The following LRRC69 variants were observed in gnomAD, a reference collection of about 807,000 sequenced individuals.
The protein encoded by LRRC69 is leucine rich repeat containing 69.
A neutral mutation model predicts 37.8 loss-of-function variants in LRRC69; 42 were observed. The observed-to-expected ratio is 1.11, with a 90% CI of 0.87 to 1.44. The LOEUF is 1.44. LRRC69 is among the 40% of genes most tolerant of loss of function. The pLI is 0.00. For synonymous variants in LRRC69, 141 were observed against 143.1 expected (o/e 0.99, Z 0.11); for missense variants, 357 against 401.9 (o/e 0.89, Z 0.96).
intron 7 of LRRC69, among the ~76,000 whole-genome samples, chr8:91,201,793 A>G (rs1809715296): frequency 6.6e-6 from 1 of 152,200 alleles, no homozygotes. Context: ...AGTGAAGGAG[A>G]CAAACAAATA....
intron 5 of LRRC69, among the ~76,000 whole-genome samples, chr8:91,149,446 C>A (rs1273704317): frequency 6.6e-6 from 1 of 151,774 alleles, no homozygotes; most frequent in Non-Finnish European, 1.5e-5. Flanking sequence ...TGGTCTATAT[C>A]TCTGTTTTGG....
At chr8:91,128,367 G>A (rs1406845656) in intron 3 of LRRC69, among the ~76,000 whole-genome samples, 2 of 152,000 alleles carry the variant, frequency 1.3e-5, no homozygotes, top group African/African-American at 4.8e-5. Context: ...TCAAGGAATC[G>A]TAAATCTAAG....
chr8:91,140,149 G>A (rs951315986), intron 5 of LRRC69, among the ~76,000 whole-genome samples: 4 of 149,132 alleles, frequency 2.7e-5, no homozygotes, highest in Non-Finnish European at 4.4e-5. Flanking sequence ...CATTATCAAT[G>A]TATCAATAGC....
intron 5 of LRRC69, among the ~76,000 whole-genome samples, chr8:91,188,718 C>T (rs952106062): frequency 2.0e-5 from 3 of 152,178 alleles, no homozygotes; most frequent in Middle Eastern, 3.4e-3. Context: ...CTTCTTTTCT[C>T]TTCTTATTCT....
chr8:91,108,636 G>A (rs564087797), intron 1 of LRRC69, among the ~76,000 whole-genome samples: 3 of 152,114 alleles, frequency 2.0e-5, no homozygotes, highest in South Asian at 4.1e-4. Flanking sequence ...TGTCTAACCC[G>A]TGGCCCGCGG....
chr8:91,209,812 A>G (rs555365082), intron 7 of LRRC69, among the ~76,000 whole-genome samples: 1 of 152,220 alleles, frequency 6.6e-6, no homozygotes, highest in East Asian at 1.9e-4. Context: ...TAAGCCAAGA[A>G]GAGGAGATAT....
intron 6 of LRRC69, among the ~76,000 whole-genome samples, chr8:91,192,616 A>T (rs1342969537): frequency 6.6e-6 from 1 of 151,800 alleles, no homozygotes; most frequent in Non-Finnish European, 1.5e-5. Flanking sequence ...GCATTTTTTC[A>T]TGTGTTTTTT....
chr8:91,165,930 C>G (rs1809020641), intron 5 of LRRC69, among the ~76,000 whole-genome samples: 1 of 151,628 alleles, frequency 6.6e-6, no homozygotes, highest in Non-Finnish European at 1.5e-5. Context: ...CCAGGGAAAT[C>G]TAGTGAGCAA....
chr8:91,119,416 A>C (rs139292346), intron 1 of LRRC69, among the ~76,000 whole-genome samples: 1 of 151,996 alleles, frequency 6.6e-6, no homozygotes, highest in African/African-American at 2.4e-5. Context: ...CACTCACTTC[A>C]TCTTAGTTTT....
At chr8:91,112,224 C>T (rs1012575255) in intron 1 of LRRC69, among the ~76,000 whole-genome samples, 5 of 151,944 alleles carry the variant, frequency 3.3e-5, no homozygotes, top group Admixed American at 6.6e-5. Flanking sequence ...ACCTCAAAGC[C>T]GTGATCACTC....
At position 91,186,724 on chromosome 8, in the gene LRRC69, C is replaced by A. The variant is rs185619646; in HGVS notation, c.652-2798C>A. The stretch of plus-strand genomic sequence containing the variant: ...GAGATGAATTCAAGTACCATTGCAA[C>A]AACTCACATAAGACAAAGGCCTCCA... On this transcript the variant is annotated intron_variant, in intron 5 of 7. Transcript: ENST00000448384. Among the ~76,000 whole-genome samples, 38 of 152,170 alleles carry A rather than the reference C, an allele frequency of 2.5e-4. No individual in the cohort carries two copies. The East Asian group carries it at 6.9e-3, about 28-fold the overall frequency.
chr8:91,197,982 G>A (rs1809646733), intron 6 of LRRC69, among the ~76,000 whole-genome samples: 1 of 152,136 alleles, frequency 6.6e-6, no homozygotes, highest in African/African-American at 2.4e-5. Context: ...TCTCAGAAAA[G>A]TGACTTAAAT....
chr8:91,123,254 A>C (rs1011974634), intron 1 of LRRC69, among the ~76,000 whole-genome samples: 1 of 152,064 alleles, frequency 6.6e-6, no homozygotes, highest in African/African-American at 2.4e-5. Context: ...AGTTTGTGGT[A>C]ATTTTTTATA....
intron 5 of LRRC69, among the ~76,000 whole-genome samples, chr8:91,172,007 TATC>T (rs937577301): frequency 5.9e-5 from 9 of 152,134 alleles, no homozygotes; most frequent in African/African-American, 9.6e-5. Flanking sequence ...TTATTAGTAT[TATC>T]ATACATATTA....
chr8:91,159,393 G>A (rs957508463), intron 5 of LRRC69, among the ~76,000 whole-genome samples: 4 of 151,146 alleles, frequency 2.6e-5, no homozygotes, highest in Admixed American at 2.0e-4. Context: ...TGTGGCAGAT[G>A]TCACATAAGT....
At chr8:91,149,881 CTGTT>C (rs1335727856) in intron 5 of LRRC69, among the ~76,000 whole-genome samples, 1 of 151,954 alleles carries the variant, frequency 6.6e-6, no homozygotes, top group East Asian at 1.9e-4. Context: ...ATTTGGCTCT[CTGTT>C]TGTCTATTAT....
chr8:91,179,573 C>T lies in LRRC69; in HGVS notation c.652-9949C>T, dbSNP rs551463041. 1.2e-3 allele frequency among the ~76,000 whole-genome samples: 189 copies of T among 152,244 alleles called. 1 individual carries two copies. The highest frequency in any genetic ancestry group is 3.4e-3 in the African/African-American group (142 of 41,556). On this transcript the variant is annotated intron_variant, in intron 5 of 7. Transcript: ENST00000448384. Reference sequence around the variant, plus strand: ...ATAATGCTCAAGATATTTTAAGCAACTACCCACTTTATTTTTTCCTAGTCT... The same window carrying T: ...ATAATGCTCAAGATATTTTAAGCAATTACCCACTTTATTTTTTCCTAGTCT...
chr8:91,177,753 T>C (rs1190031747), intron 5 of LRRC69, among the ~76,000 whole-genome samples: 1 of 152,144 alleles, frequency 6.6e-6, no homozygotes, highest in Non-Finnish European at 1.5e-5. Context: ...GCAGTAGAAT[T>C]GTAGGGTTAA....
chr8:91,200,809 A>G lies in LRRC69; in HGVS notation c.933+17A>G, dbSNP rs527761249. 5 of 1,524,334 alleles carry G rather than the reference A, an allele frequency of 3.3e-6. No homozygotes were observed. The highest frequency in any genetic ancestry group is 1.4e-5 in the African/African-American group (1 of 71,636). 94.4% of individuals were successfully genotyped at this position (1,524,334 alleles called of 1,614,324 possible). A position where few individuals can be genotyped will look rare whatever the true frequency, so the allele number is the denominator to read the frequency against. ...CCACCAAAGGTAAATGATGCTTTTT[A>G]TGCGAATATGAGCATAATACTGATT... On this transcript the variant is annotated intron_variant, in intron 7 of 7. Coordinates refer to ENST00000448384, the Ensembl canonical transcript of LRRC69.
Sources: gnomAD v4.1 joint callset for allele counts (sites outside exome capture counted in the v4.1 genomes callset) on GRCh38, gnomAD v4.1.1 for gene constraint, MANE v1.5 for transcripts, NCBI Gene and HGNC (gene_info 2026-07-23, HGNC 2026-07-21) for gene names.